Variants in EHBP1 observed in about 807,000 individuals in gnomAD.
The protein encoded by EHBP1 is EH domain-binding protein 1.
EHBP1 carries 55 observed loss-of-function variants against 144.0 expected under a neutral mutation model. That is an observed-to-expected ratio of 0.38 (90% CI 0.31 to 0.48). EHBP1 has a LOEUF of 0.48. Among genes scored for constraint, EHBP1 ranks in the 20% least tolerant of loss-of-function variants. The pLI, the probability that EHBP1 is intolerant of heterozygous loss-of-function variation, is 0.98. For missense variants in EHBP1, 1,200 were observed against 1,364.2 expected, an observed-to-expected ratio of 0.88 and a Z score of 1.90; for synonymous variants, 469 against 472.7, an observed-to-expected ratio of 0.99 and a Z score of 0.10.
chr2:62,912,323 G>C (rs1429680530), intron 10 of EHBP1, among the ~76,000 whole-genome samples: 1 of 152,040 alleles, frequency 6.6e-6, no homozygotes, highest in Non-Finnish European at 1.5e-5. Flanking sequence ...AGGCTGAGGC[G>C]GGCAGATCAC....
intron 10 of EHBP1, among the ~76,000 whole-genome samples, chr2:62,897,028 G>A (rs1039414739): frequency 1.3e-5 from 2 of 152,008 alleles, no homozygotes; most frequent in Non-Finnish European, 2.9e-5. Flanking sequence ...GATATACATG[G>A]GGAAGTCTTG....
In EHBP1 at chr2:62,955,634, C is replaced by A; in HGVS notation, c.2434C>A (p.Pro812Thr). ...TAAGCACAATACCAACACAGCCACC[C>A]CATTCTGCAACAGGCAGCTAAGTGA... is the stretch of plus-strand genomic sequence containing the variant. The part of the protein sequence containing the change: ...GNKHNTNTAT[P>T]FCNRQLSDQQ... The change falls in exon 14 of 23, where the codon CCA (proline) becomes ACA (threonine). Residue 812 changes from proline (P) to threonine (T), a missense_variant. Around this residue, in one of 6 missense-constraint regions of EHBP1, gnomAD observed 543 missense variants for 513.1 expected, o/e 1.06. Transcript: ENST00000431489. The A allele has an allele frequency of 6.2e-7, 1 of 1,611,234 alleles. No individual in the cohort carries two copies.
At chr2:62,784,828 T>C (rs1441320168) in intron 5 of EHBP1, among the ~76,000 whole-genome samples, 1 of 152,154 alleles carries the variant, frequency 6.6e-6, no homozygotes, top group Non-Finnish European at 1.5e-5. Flanking sequence ...ATTTGAACTT[T>C]ATCCTAGCAG....
chr2:62,955,088 G>A (rs185649067), intron 13 of EHBP1, among the ~76,000 whole-genome samples: 76 of 151,734 alleles, frequency 5.0e-4, no homozygotes, highest in South Asian at 2.1e-3. Context: ...AAGGATTATC[G>A]CCACAGATAT....
chr2:62,696,680 AT>A (rs1052695098), intron 1 of EHBP1, among the ~76,000 whole-genome samples: 13 of 145,964 alleles, frequency 8.9e-5, no homozygotes, highest in East Asian at 2.0e-4. Flanking sequence ...GGCCCGGCTA[AT>A]TTTTTTTTTG....
At chr2:62,783,227 G>A (rs2042565906) in intron 5 of EHBP1, among the ~76,000 whole-genome samples, 1 of 152,194 alleles carries the variant, frequency 6.6e-6, no homozygotes, top group African/African-American at 2.4e-5. Context: ...GCAGGGTACA[G>A]CCCCCCTCCT....
At chr2:62,860,121 T>G (rs1338623951) in intron 8 of EHBP1, among the ~76,000 whole-genome samples, 2 of 152,178 alleles carry the variant, frequency 1.3e-5, no homozygotes, top group Non-Finnish European at 2.9e-5. Flanking sequence ...TCTAAATTAT[T>G]AATAGTAAGT....
At chr2:62,863,224 G>C (rs2049734692) in intron 8 of EHBP1, among the ~76,000 whole-genome samples, 2 of 152,086 alleles carry the variant, frequency 1.3e-5, no homozygotes, top group African/African-American at 4.8e-5. Flanking sequence ...GGCGGAGGTT[G>C]CAGTGAGCCG....
In EHBP1 at chr2:62,905,919, G is replaced by T. The variant is rs1404015163; in HGVS notation, c.1185+31387G>T. ...CAAATAGTCTGGGCAAAAAACGATG[G>T]TAGTTTAGATTACAGTGGTGATAGT... On this transcript the variant is annotated intron_variant, in intron 10 of 22. Coordinates refer to ENST00000431489, the MANE Select transcript of EHBP1 (RefSeq NM_001142616.3). 2.0e-5 allele frequency among the ~76,000 whole-genome samples: 3 copies of T among 152,052 alleles called. No individual in the cohort carries two copies. The South Asian group carries it at 6.2e-4, about 32-fold the overall frequency.
chr2:62,850,698 G>T (rs1243201732), intron 7 of EHBP1, among the ~76,000 whole-genome samples: 4 of 152,000 alleles, frequency 2.6e-5, no homozygotes, highest in African/African-American at 9.7e-5. Flanking sequence ...AATATATTGG[G>T]TTGGGTAGTA....
intron 19 of EHBP1, among the ~76,000 whole-genome samples, chr2:63,033,971 A>G (rs1574562116): frequency 6.6e-6 from 1 of 152,228 alleles, no homozygotes; most frequent in East Asian, 1.9e-4. Context: ...ATTATTTAAT[A>G]ATTTTTACAA....
At chr2:62,848,522 G>A (rs2048455830) in intron 7 of EHBP1, among the ~76,000 whole-genome samples, 1 of 152,150 alleles carries the variant, frequency 6.6e-6, no homozygotes, top group Non-Finnish European at 1.5e-5. Context: ...TCCCAAACTG[G>A]AAATAGCTCA....
intron 5 of EHBP1, among the ~76,000 whole-genome samples, chr2:62,800,407 T>C (rs1558691303): frequency 6.6e-6 from 1 of 152,186 alleles, no homozygotes; most frequent in Non-Finnish European, 1.5e-5. Context: ...GTTTCCTTTT[T>C]TTAATGGTGA....
At chr2:62,764,387 G>T in intron 4 of EHBP1, 26 bp downstream of exon 4, 2 of 1,479,428 alleles carry the variant, frequency 1.4e-6, no homozygotes, top group Admixed American at 2.3e-5. Context: ...ATAGGCTATA[G>T]AATTTATTAT....
intron 5 of EHBP1, among the ~76,000 whole-genome samples, chr2:62,820,168 G>A (rs866968294): frequency 3.4e-5 from 5 of 146,118 alleles, no homozygotes; most frequent in Middle Eastern, 3.8e-3. Flanking sequence ...ATGAGATCGT[G>A]CCAATGCGCT....
intron 1 of EHBP1, among the ~76,000 whole-genome samples, chr2:62,688,130 G>A (rs2033780149): frequency 6.6e-6 from 1 of 152,102 alleles, no homozygotes; most frequent in Non-Finnish European, 1.5e-5. Flanking sequence ...CTGATTTTTG[G>A]TTTGAGAGAG....
At chr2:62,696,969 T>G (rs1249820892) in intron 1 of EHBP1, among the ~76,000 whole-genome samples, 2 of 152,192 alleles carry the variant, frequency 1.3e-5, no homozygotes, top group African/African-American at 4.8e-5. Flanking sequence ...TTTTTTAAAT[T>G]TTTTGATAAT....
At chr2:62,863,837 G>GGTT (rs2049810497) in intron 8 of EHBP1, among the ~76,000 whole-genome samples, 7 of 74,576 alleles carry the variant, frequency 9.4e-5, no homozygotes, top group African/African-American at 3.4e-4. Flanking sequence ...ATTTTTCTGT[G>GGTT]TTGTTTTTTT....
intron 7 of EHBP1, among the ~76,000 whole-genome samples, chr2:62,854,305 G>A (rs528549609): frequency 2.4e-4 from 37 of 152,310 alleles, no homozygotes; most frequent in Admixed American, 3.9e-4. Context: ...AAAGTTTCAT[G>A]TGTTCACTGG....
Sources: allele counts gnomAD v4.1 joint callset (sites outside exome capture counted in the v4.1 genomes callset), GRCh38; gene constraint gnomAD v4.1.1; regional missense constraint gnomAD v4.1.1; transcripts MANE v1.5; gene names NCBI Gene and HGNC (gene_info 2026-07-23, HGNC 2026-07-21).